CCSER1: variants seen among roughly 807,000 people sequenced by gnomAD.
CCSER1 encodes the protein coiled-coil serine rich protein 1, also known as serine-rich coiled-coil domain-containing protein 1.
In CCSER1, 41 loss-of-function variants were observed where a neutral mutation model predicts 82.0. That is an observed-to-expected ratio of 0.50 (90% CI 0.39 to 0.65). The LOEUF is 0.65. CCSER1 is among the 30% of genes least tolerant of loss of function. The pLI, the probability that CCSER1 is intolerant of heterozygous loss-of-function variation, is 0.00. For synonymous variants in CCSER1, 414 were observed against 383.9 expected, an observed-to-expected ratio of 1.08 and a Z score of -0.92; for missense variants, 1,119 against 1,064.2, an observed-to-expected ratio of 1.05 and a Z score of -0.72.
At chr4:90,146,943 T>G (rs2153346280) in intron 1 of CCSER1, among the ~76,000 whole-genome samples, 1 of 152,244 alleles carries the variant, frequency 6.6e-6, no homozygotes, top group South Asian at 2.1e-4. Flanking sequence ...ATATTCATTT[T>G]TATGATCTCA....
chr4:90,800,629 T>C (rs1376783482), intron 7 of CCSER1, among the ~76,000 whole-genome samples: 3 of 152,220 alleles, frequency 2.0e-5, no homozygotes, highest in Non-Finnish European at 4.4e-5. Flanking sequence ...TATCGCTTTA[T>C]CACTTGTTGA....
chr4:90,282,302 A>G (rs2153461159), intron 1 of CCSER1, among the ~76,000 whole-genome samples: 1 of 152,048 alleles, frequency 6.6e-6, no homozygotes, highest in Non-Finnish European at 1.5e-5. Context: ...AATACACATC[A>G]TATACCATGT....
intron 9 of CCSER1, among the ~76,000 whole-genome samples, chr4:91,029,141 GAATCTGCT>G (rs2150549874): frequency 6.6e-6 from 1 of 152,058 alleles, no homozygotes; most frequent in Non-Finnish European, 1.5e-5. Flanking sequence ...AAATGACTGT[GAATCTGCT>G]AGTCATAGTT....
intron 6 of CCSER1, among the ~76,000 whole-genome samples, chr4:90,656,504 T>G (rs1052528036): frequency 1.3e-5 from 2 of 151,880 alleles, no homozygotes; most frequent in African/African-American, 4.8e-5. Flanking sequence ...GCGATATCTA[T>G]TTTCCATTCT....
chr4:90,248,783 G>A (rs1314831838), intron 1 of CCSER1, among the ~76,000 whole-genome samples: 9 of 149,712 alleles, frequency 6.0e-5, no homozygotes, highest in African/African-American at 1.5e-4. Flanking sequence ...CTGAAGCCTC[G>A]ACCTTCTAGG....
chr4:91,411,498 A>ATG (rs1489838450), intron 10 of CCSER1, among the ~76,000 whole-genome samples: 3 of 59,858 alleles, frequency 5.0e-5, no homozygotes, highest in African/African-American at 1.7e-4. Context: ...ATACATATAT[A>ATG]TATATATATA....
intron 7 of CCSER1, among the ~76,000 whole-genome samples, chr4:90,772,466 G>C (rs1351688350): frequency 6.6e-6 from 1 of 152,080 alleles, no homozygotes; most frequent in African/African-American, 2.4e-5. Context: ...AAAATGTCAG[G>C]TATAACTTAC....
chr4:91,106,257 T>C (rs1301023221), intron 10 of CCSER1, among the ~76,000 whole-genome samples: 6 of 152,196 alleles, frequency 3.9e-5, no homozygotes, highest in African/African-American at 1.4e-4. Flanking sequence ...TCACGATTAT[T>C]CTCATTTTAA....
At chr4:91,585,083 A>G (rs1014173749) in intron 10 of CCSER1, among the ~76,000 whole-genome samples, 1 of 151,540 alleles carries the variant, frequency 6.6e-6, no homozygotes, top group African/African-American at 2.4e-5. Context: ...TTAGCAGCCA[A>G]AAACTTAAAC....
chr4:90,359,688 C>G (rs13137231), intron 3 of CCSER1, among the ~76,000 whole-genome samples: 102,680 of 151,382 alleles, frequency 0.68, 36,821 homozygotes, highest in African/African-American at 0.92. Flanking sequence ...AGTGAGCCGA[C>G]ATGTCACCAC....
chr4:90,464,805 T>C (rs1479157161), intron 4 of CCSER1, among the ~76,000 whole-genome samples: 2 of 152,268 alleles, frequency 1.3e-5, no homozygotes, highest in African/African-American at 4.8e-5. Context: ...ATTATAATTG[T>C]CTGCTGTTCC....
At chr4:90,380,918 T>A (rs1749097735) in intron 3 of CCSER1, among the ~76,000 whole-genome samples, 1 of 152,218 alleles carries the variant, frequency 6.6e-6, no homozygotes, top group Non-Finnish European at 1.5e-5. Flanking sequence ...AGGAAGTGAT[T>A]GCAATTCAGG....
chr4:90,780,792 T>A, intron 7 of CCSER1: 1 of 1,141,044 alleles, frequency 8.8e-7, no homozygotes, highest in Non-Finnish European at 1.1e-6. Flanking sequence ...GTATCAATAT[T>A]TCCATATATG....
intron 8 of CCSER1, among the ~76,000 whole-genome samples, chr4:90,847,108 G>T (rs1255256883): frequency 6.6e-6 from 1 of 152,086 alleles, no homozygotes; most frequent in Non-Finnish European, 1.5e-5. Context: ...TATTACAAAG[G>T]CTTTATTCAT....
At chr4:91,289,952 A>G (rs1743619802) in intron 10 of CCSER1, among the ~76,000 whole-genome samples, 2 of 152,040 alleles carry the variant, frequency 1.3e-5, no homozygotes, top group Non-Finnish European at 2.9e-5. Context: ...TCAGACAAGA[A>G]AAAGTCTGAA....
chr4:91,160,570 T>C (rs1731282629), intron 10 of CCSER1, among the ~76,000 whole-genome samples: 1 of 152,208 alleles, frequency 6.6e-6, no homozygotes, highest in Non-Finnish European at 1.5e-5. Flanking sequence ...GTGTCCTGAC[T>C]TTTTAATGAT....
rs547236979 is a variant in CCSER1 at position 90,581,663 on chromosome 4, G to A, written c.1725-46362G>A. Among the ~76,000 whole-genome samples the A allele has an allele frequency of 1.4e-4, 22 of 152,202 alleles. No homozygotes were observed. In the South Asian group the frequency reaches 4.6e-3, roughly 32 times the overall value. On this transcript the variant is annotated intron_variant, in intron 5 of 10. Coordinates refer to ENST00000509176, the MANE Select transcript of CCSER1 (RefSeq NM_001145065.2). ...TGAAAACAAAAAATATGGGTTCTAT[G>A]TCTGCCTCCTGCTCTCCGTGTGACT...
intron 10 of CCSER1, among the ~76,000 whole-genome samples, chr4:91,262,910 G>C (rs1016886916): frequency 1.3e-5 from 2 of 151,108 alleles, no homozygotes; most frequent in Admixed American, 6.6e-5. Context: ...TCAGGTTAGC[G>C]CAGCCTGACT....
chr4:90,773,340 T>G (rs1752482788), intron 7 of CCSER1, among the ~76,000 whole-genome samples: 1 of 152,226 alleles, frequency 6.6e-6, no homozygotes, highest in South Asian at 2.1e-4. Flanking sequence ...GCTTTTTGAT[T>G]GGCAGCCTTG....
Sources: allele counts gnomAD v4.1 joint callset (sites outside exome capture counted in the v4.1 genomes callset), GRCh38; gene constraint gnomAD v4.1.1; transcripts MANE v1.5; gene names NCBI Gene and HGNC (gene_info 2026-07-23, HGNC 2026-07-21).